Variants in RGS22 observed in about 807,000 individuals in gnomAD.
RGS22 encodes the protein regulator of G protein signaling 22, also known as regulator of G-protein signaling 22.
In RGS22, 148 loss-of-function variants were observed where a neutral mutation model predicts 172.9. The observed-to-expected ratio is 0.86, with a 90% CI of 0.75 to 0.98. The LOEUF is 0.98. RGS22 is among the 50% of genes least tolerant of loss of function. The pLI is 0.00. For synonymous variants in RGS22, 458 were observed against 480.2 expected (o/e 0.95, Z 0.60); for missense variants, 1,347 against 1,440.8 (o/e 0.93, Z 1.05).
chr8:100,103,607 T>C (rs1324300963), intron 2 of RGS22, among the ~76,000 whole-genome samples: 1 of 150,972 alleles, frequency 6.6e-6, no homozygotes, highest in African/African-American at 2.4e-5. Flanking sequence ...AAGTGGTGTC[T>C]GGACTGGAGG....
At chr8:99,967,225 C>A (rs145964769) in intron 23 of RGS22, among the ~76,000 whole-genome samples, 1 of 152,186 alleles carries the variant, frequency 6.6e-6, no homozygotes, top group Non-Finnish European at 1.5e-5. Context: ...GTCTTCACAA[C>A]CTGCAGGCTA....
intron 14 of RGS22, among the ~76,000 whole-genome samples, chr8:100,017,368 A>G (rs890877047): frequency 6.6e-6 from 1 of 151,876 alleles, no homozygotes; most frequent in Admixed American, 6.6e-5. Context: ...TACATTACAC[A>G]CATTTGTTGT....
intron 23 of RGS22, among the ~76,000 whole-genome samples, chr8:99,968,402 A>T (rs926287675): frequency 2.6e-5 from 4 of 152,150 alleles, no homozygotes; most frequent in Non-Finnish European, 5.9e-5. Flanking sequence ...TGACAGAAAT[A>T]GGCTTCAGAA....
chr8:100,080,692 G>A (rs1024387526), intron 3 of RGS22: 21 of 197,392 alleles, frequency 1.1e-4, no homozygotes, highest in African/African-American at 4.2e-4. Context: ...TTAGAAGGGG[G>A]TGGATCACTA....
intron 4 of RGS22, among the ~76,000 whole-genome samples, chr8:100,075,975 T>TG (rs1236609640): frequency 3.3e-5 from 5 of 152,226 alleles, no homozygotes; most frequent in Non-Finnish European, 7.3e-5. Context: ...ATTTCCCTTA[T>TG]GACTAATGAT....
chr8:100,067,641 T>TTTTTTTAGTTTTTTTTTTTTTTTCCCA (rs1810629965), intron 6 of RGS22, among the ~76,000 whole-genome samples: 1 of 136,092 alleles, frequency 7.3e-6, no homozygotes, highest in Non-Finnish European at 1.5e-5. Context: ...TTTTTTTTTT[T>TTTTTTTAGTTTTTTTTTTTTTTTCCCA]GGAGACAGAG....
At chr8:100,099,664 A>G (rs1813306833) in intron 2 of RGS22, among the ~76,000 whole-genome samples, 1 of 152,220 alleles carries the variant, frequency 6.6e-6, no homozygotes, top group Non-Finnish European at 1.5e-5. Flanking sequence ...CAGTTTCTGT[A>G]GTTCCAAAAA....
intron 1 of RGS22, chr8:100,105,652 G>C (rs1813877714): frequency 1.7e-6 from 1 of 580,184 alleles, no homozygotes; most frequent in Admixed American, 3.4e-5. Context: ...CTTCTTCATA[G>C]ACGGAACCCT....
intron 14 of RGS22, among the ~76,000 whole-genome samples, chr8:100,025,122 C>G (rs1165349256): frequency 1.3e-5 from 2 of 152,108 alleles, no homozygotes; most frequent in Non-Finnish European, 2.9e-5. Context: ...GGGTAAACAT[C>G]AGGAAGTGGG....
chr8:100,104,324 A>G (rs1483871074), intron 2 of RGS22, among the ~76,000 whole-genome samples: 1 of 119,446 alleles, frequency 8.4e-6, no homozygotes, highest in Non-Finnish European at 1.8e-5. Context: ...GTCTCAAAAT[A>G]TGTGCGTGTG....
chr8:99,989,898 A>AGATG (rs1491541104), intron 20 of RGS22, among the ~76,000 whole-genome samples: 6 of 151,288 alleles, frequency 4.0e-5, no homozygotes, highest in African/African-American at 1.5e-4. Context: ...ATAGATAGAT[A>AGATG]GATAGATATA....
intron 14 of RGS22, among the ~76,000 whole-genome samples, chr8:100,018,429 GAC>G (rs35311553): frequency 0.027 from 4,011 of 150,874 alleles, 154 homozygotes; most frequent in African/African-American, 0.088. Context: ...AATAAATGAA[GAC>G]ACACACACAC....
chr8:99,994,215 T>C (rs953282864), intron 20 of RGS22, among the ~76,000 whole-genome samples: 1 of 152,168 alleles, frequency 6.6e-6, no homozygotes, highest in African/African-American at 2.4e-5. Context: ...AAGACAAGGA[T>C]GCCCTCTCTC....
At chr8:100,062,067 T>C (rs1487591566) in intron 9 of RGS22, among the ~76,000 whole-genome samples, 3 of 152,196 alleles carry the variant, frequency 2.0e-5, no homozygotes, top group Admixed American at 6.5e-5. Flanking sequence ...AAATATATCA[T>C]GTTCTCACTT....
chr8:99,993,207 C>T (rs1385795572), intron 20 of RGS22, among the ~76,000 whole-genome samples: 1 of 152,048 alleles, frequency 6.6e-6, no homozygotes, highest in African/African-American at 2.4e-5. Flanking sequence ...ATTAAAAGAA[C>T]TAGAGAAGCA....
intron 20 of RGS22, among the ~76,000 whole-genome samples, chr8:99,993,269 A>G (rs979906930): frequency 5.3e-5 from 8 of 152,210 alleles, no homozygotes; most frequent in Non-Finnish European, 8.8e-5. Context: ...CTAAGATCAG[A>G]GCAGAACTGA....
intron 22 of RGS22, among the ~76,000 whole-genome samples, chr8:99,979,158 C>T (rs1387711733): frequency 6.6e-6 from 1 of 151,980 alleles, no homozygotes; most frequent in African/African-American, 2.4e-5. Flanking sequence ...TTAAGTAATC[C>T]CCTGTTCCAA....
At chr8:100,071,038 T>G (rs1041245720) in intron 6 of RGS22, among the ~76,000 whole-genome samples, 2 of 152,240 alleles carry the variant, frequency 1.3e-5, no homozygotes, top group Non-Finnish European at 2.9e-5. Flanking sequence ...ATCCCAGCAC[T>G]TTGGGAGGCG....
At chr8:99,980,759 G>C (rs1472152444) in intron 22 of RGS22, among the ~76,000 whole-genome samples, 2 of 152,164 alleles carry the variant, frequency 1.3e-5, no homozygotes, top group African/African-American at 4.8e-5. Context: ...AGAACCGAAA[G>C]GTATCGGCAG....
Sources: gnomAD v4.1 joint callset for allele counts (sites outside exome capture counted in the v4.1 genomes callset) on GRCh38, gnomAD v4.1.1 for gene constraint, MANE v1.5 for transcripts, NCBI Gene and HGNC (gene_info 2026-07-23, HGNC 2026-07-21) for gene names.